Variants in KCMF1 observed in about 807,000 individuals in gnomAD.
The protein encoded by KCMF1 is potassium channel modulatory factor 1.
KCMF1 carries 3 observed loss-of-function variants against 41.1 expected under a neutral mutation model. That is an observed-to-expected ratio of 0.07 (90% CI 0.03 to 0.19). The LOEUF is 0.19. Among genes scored for constraint, KCMF1 ranks in the 10% least tolerant of loss-of-function variants. KCMF1 has a pLI of 1.00. For missense variants in KCMF1, 286 were observed against 488.9 expected (o/e 0.58, Z 3.91); for synonymous variants, 142 against 164.5 (o/e 0.86, Z 1.04).
intron 1 of KCMF1, among the ~76,000 whole-genome samples, chr2:85,011,671 A>G (rs1674655662): frequency 1.3e-5 from 2 of 152,156 alleles, no homozygotes; most frequent in African/African-American, 4.8e-5. Flanking sequence ...GCTGCCAGAA[A>G]GATGCTGACC....
chr2:85,002,614 G>GTT (rs56358053), intron 1 of KCMF1, among the ~76,000 whole-genome samples: 1 of 143,592 alleles, frequency 7.0e-6, no homozygotes. Flanking sequence ...TCTTAACTGT[G>GTT]TTTTTTTTTT....
At chr2:85,011,137 G>C (rs147932052) in intron 1 of KCMF1, among the ~76,000 whole-genome samples, 2 of 152,136 alleles carry the variant, frequency 1.3e-5, no homozygotes, top group Admixed American at 1.3e-4. Flanking sequence ...CACCGTGCCC[G>C]GCCAGTCTAT....
intron 1 of KCMF1, among the ~76,000 whole-genome samples, chr2:85,024,309 C>A (rs527745894): frequency 2.8e-4 from 43 of 152,256 alleles, no homozygotes; most frequent in African/African-American, 9.1e-4. Flanking sequence ...CCCGTCTCTA[C>A]TAAAAATACA....
Position 85,046,192 on chromosome 2 carries a change from A to G in KCMF1, c.515A>G (p.His172Arg). ...CCTCGTGCTCGTAGATCAAACATGC[A>G]CTTTACTAGCAGTTCTACTGGTGGA... is the stretch of plus-strand genomic sequence containing the variant. ...GGPRARRSNMHFTSSSTGGLS... is the reference protein window; with the variant it reads ...GGPRARRSNMRFTSSSTGGLS... Residue 172 changes from histidine to arginine, a missense_variant, in exon 5 of 7, where the codon CAC becomes CGC. Transcript: ENST00000409785. 1 of 1,613,378 alleles carries G rather than the reference A, an allele frequency of 6.2e-7. No individual in the cohort carries two copies. Among genetic ancestry groups the G allele is most frequent in the Non-Finnish European group, 8.5e-7 (1 of 1,179,564 alleles).
chr2:85,046,617 G>A (rs1675673443), intron 5 of KCMF1, among the ~76,000 whole-genome samples: 1 of 148,464 alleles, frequency 6.7e-6, no homozygotes, highest in African/African-American at 2.5e-5. Flanking sequence ...GTGATGGAGT[G>A]AGACCCTGTC....
At chr2:85,018,971 A>G (rs559836965) in intron 1 of KCMF1, among the ~76,000 whole-genome samples, 3 of 152,024 alleles carry the variant, frequency 2.0e-5, no homozygotes, top group African/African-American at 7.2e-5. Context: ...TCCTGACCAC[A>G]GGTGATCCGC....
intron 3 of KCMF1, among the ~76,000 whole-genome samples, chr2:85,035,420 T>C (rs1360469992): frequency 6.6e-6 from 1 of 152,228 alleles, no homozygotes; most frequent in Non-Finnish European, 1.5e-5. Context: ...TCAGGAGCCC[T>C]TTATTCAATG....
At position 85,045,865 on chromosome 2, in the gene KCMF1, AC is replaced by A. The variant is rs1450797497; in HGVS notation, c.427-238del. On this transcript the variant is annotated intron_variant, in intron 4 of 6. Transcript: ENST00000409785. ...GAGATTTCATGAGCTATATAGAGAA[AC>A]TTTTTTACCTCACACACCCAATACA... 2.6e-5 allele frequency among the ~76,000 whole-genome samples: 4 copies of A among 152,236 alleles called. No homozygotes were observed. The East Asian group carries it at 5.8e-4, about 22-fold the overall frequency.
At chr2:84,978,542 A>T (rs1442900277) in intron 1 of KCMF1, among the ~76,000 whole-genome samples, 2 of 149,326 alleles carry the variant, frequency 1.3e-5, no homozygotes, top group Non-Finnish European at 1.5e-5. Flanking sequence ...GTACATGTGC[A>T]CAATGTATTT....
intron 1 of KCMF1, among the ~76,000 whole-genome samples, chr2:85,024,466 C>CTA (rs1553381187): frequency 6.6e-6 from 1 of 151,826 alleles, no homozygotes; most frequent in Non-Finnish European, 1.5e-5. Context: ...GAGTGAGACT[C>CTA]TATCTCAAAA....
intron 1 of KCMF1, 56 bp downstream of exon 1, chr2:84,971,523 G>A (rs1673392794): frequency 1.4e-5 from 15 of 1,066,370 alleles, no homozygotes; most frequent in South Asian, 3.5e-5. Context: ...TACCCCGCCC[G>A]GGCCGGGCGC....
Position 85,053,316 on chromosome 2 carries a change from C to A in KCMF1, c.1053C>A (p.Gly351=), listed in dbSNP as rs991170004. 2 of 1,613,698 alleles carry A rather than the reference C, an allele frequency of 1.2e-6. No homozygotes were observed. The highest frequency in any genetic ancestry group is 2.7e-5 in the African/African-American group (2 of 74,868). ...AGATGGCAGATTTTGGTGCTATGGG[C>A]TGTGTAGATATTATGCCTTTAGATG... The part of the protein sequence containing the change: ...RGEMADFGAM[G]CVDIMPLDVA... The change falls in exon 7 of 7, where the codon GGC becomes GGA. Residue 351 remains glycine, a synonymous_variant. Transcript: ENST00000409785.
chr2:85,018,596 G>A (rs1218869586), intron 1 of KCMF1, among the ~76,000 whole-genome samples: 3 of 151,866 alleles, frequency 2.0e-5, no homozygotes, highest in Non-Finnish European at 4.4e-5. Flanking sequence ...ATTCAGTGAT[G>A]GGTTGCACAT....
chr2:85,035,209 C>G, intron 3 of KCMF1, 54 bp downstream of exon 3: 1 of 1,471,094 alleles, frequency 6.8e-7, no homozygotes, highest in African/African-American at 1.4e-5. Flanking sequence ...TATATTATTT[C>G]TAACATTAAT....
chr2:85,036,733 A>G (rs75000390), intron 3 of KCMF1, among the ~76,000 whole-genome samples: 10,090 of 151,646 alleles, frequency 0.067, 586 homozygotes, highest in East Asian at 0.34. Flanking sequence ...TTGAGGCTGC[A>G]GTGAGCCATG....
At chr2:85,016,904 G>T (rs558542634) in intron 1 of KCMF1, among the ~76,000 whole-genome samples, 1 of 151,868 alleles carries the variant, frequency 6.6e-6, no homozygotes, top group East Asian at 1.9e-4. Context: ...TGGCCAGGCT[G>T]GTCTCGAACC....
At chr2:85,030,784 C>T (rs1473390818) in intron 2 of KCMF1, among the ~76,000 whole-genome samples, 1 of 152,174 alleles carries the variant, frequency 6.6e-6, no homozygotes, top group African/African-American at 2.4e-5. Flanking sequence ...GCAGCCTCCG[C>T]TTCCCAGGCT....
intron 1 of KCMF1, among the ~76,000 whole-genome samples, chr2:84,995,410 T>C (rs571283473): frequency 6.6e-6 from 1 of 152,330 alleles, no homozygotes; most frequent in East Asian, 1.9e-4. Context: ...TTTTTGTCTT[T>C]GGTAAGAATA....
chr2:85,030,587 G>A (rs966609878), intron 2 of KCMF1, among the ~76,000 whole-genome samples: 2 of 152,124 alleles, frequency 1.3e-5, no homozygotes, highest in Non-Finnish European at 2.9e-5. Flanking sequence ...TTGTTGGAAA[G>A]ACTATTCTTT....
Sources: gnomAD v4.1 joint callset for allele counts (sites outside exome capture counted in the v4.1 genomes callset) on GRCh38, gnomAD v4.1.1 for gene constraint, MANE v1.5 for transcripts, NCBI Gene and HGNC (gene_info 2026-07-23, HGNC 2026-07-21) for gene names.